BMPR1B: variants seen among roughly 807,000 people sequenced by gnomAD.
BMPR1B encodes bone morphogenetic protein receptor type 1B.
A neutral mutation model predicts 59.1 loss-of-function variants in BMPR1B; 12 were observed. The ratio of observed to expected loss-of-function variants is 0.20; its 90% CI spans 0.13 to 0.33. The LOEUF (loss-of-function observed/expected upper bound fraction) is 0.33, where lower values mean the gene tolerates loss of function less well. BMPR1B is among the 10% of genes least tolerant of loss of function. The pLI, the probability that BMPR1B is intolerant of heterozygous loss-of-function variation, is 1.00. For synonymous variants in BMPR1B, 237 were observed against 207.3 expected (o/e 1.14, Z -1.23); for missense variants, 550 against 610.9 (o/e 0.90, Z 1.05).
In BMPR1B at chr4:94,809,632, G is replaced by T. The variant is rs574090885; in HGVS notation, c.-183+51564G>T. Among the ~76,000 whole-genome samples, 4 of 152,038 alleles carry T rather than the reference G, an allele frequency of 2.6e-5. No individual in the cohort carries two copies. The East Asian group carries it at 7.7e-4, about 29-fold the overall frequency. The stretch of plus-strand genomic sequence containing the variant: ...ATTCACTTATCTCCCTCTTTCTTTT[G>T]TGTACATTGTACTGCTCCACCCCAC... On this transcript the variant is annotated intron_variant, in intron 1 of 12. Coordinates refer to ENST00000515059, the MANE Select transcript of BMPR1B (RefSeq NM_001203.3).
chr4:94,764,771 C>A (rs1210616665), intron 1 of BMPR1B, among the ~76,000 whole-genome samples: 1 of 152,108 alleles, frequency 6.6e-6, no homozygotes, highest in Non-Finnish European at 1.5e-5. Context: ...TATCTTCTAT[C>A]CATGTGCTTT....
chr4:95,064,020 C>G lies in BMPR1B; in HGVS notation c.-17-40388C>G, dbSNP rs181083727. On this transcript the variant is annotated intron_variant, in intron 3 of 12. Transcript: ENST00000515059. ...GGCAAGGATGTGGAGAAATGGGAAC[C>G]CTTAACCACTGTTAGTTGGAGTATA... Among the ~76,000 whole-genome samples the G allele has an allele frequency of 3.0e-3, 456 of 152,072 alleles. 5 individuals carry two copies. Among genetic ancestry groups the G allele is most frequent in the African/African-American group, 0.01 (434 of 41,486 alleles).
At chr4:94,987,523 G>A (rs1195028461) in intron 2 of BMPR1B, among the ~76,000 whole-genome samples, 5 of 152,050 alleles carry the variant, frequency 3.3e-5, no homozygotes, top group African/African-American at 9.6e-5. Context: ...CTCTCCCATT[G>A]AGACCATTGA....
At chr4:95,021,934 G>A (rs1433076400) in intron 3 of BMPR1B, among the ~76,000 whole-genome samples, 1 of 152,146 alleles carries the variant, frequency 6.6e-6, no homozygotes, top group African/African-American at 2.4e-5. Context: ...AGTGGGAAAG[G>A]TTTCTCTTAC....
chr4:94,839,234 C>A (rs1244207662), intron 1 of BMPR1B, among the ~76,000 whole-genome samples: 1 of 130,072 alleles, frequency 7.7e-6, no homozygotes, highest in Non-Finnish European at 1.7e-5. Flanking sequence ...AATGTATATT[C>A]TGTTGATTTG....
chr4:94,984,891 C>G (rs1408193344), intron 2 of BMPR1B, among the ~76,000 whole-genome samples: 1 of 152,142 alleles, frequency 6.6e-6, no homozygotes, highest in Non-Finnish European at 1.5e-5. Context: ...TTACAGCATC[C>G]AAAGTAGTTT....
chr4:95,068,433 A>G (rs565016855), intron 3 of BMPR1B, among the ~76,000 whole-genome samples: 3 of 152,254 alleles, frequency 2.0e-5, no homozygotes, highest in South Asian at 2.1e-4. Flanking sequence ...GGCTACAGCC[A>G]CCAGTTCCAT....
intron 2 of BMPR1B, among the ~76,000 whole-genome samples, chr4:94,989,848 T>C (rs1721631108): frequency 1.3e-5 from 2 of 152,200 alleles, no homozygotes; most frequent in African/African-American, 4.8e-5. Flanking sequence ...TCATGGGGTT[T>C]TCTGAAATTA....
chr4:94,760,314 T>C (rs1225431295), intron 1 of BMPR1B, among the ~76,000 whole-genome samples: 1 of 152,214 alleles, frequency 6.6e-6, no homozygotes, highest in East Asian at 1.9e-4. Flanking sequence ...CTTATGTATG[T>C]TTCTCTAAAT....
At chr4:95,027,881 A>G (rs1724534316) in intron 3 of BMPR1B, among the ~76,000 whole-genome samples, 1 of 152,162 alleles carries the variant, frequency 6.6e-6, no homozygotes, top group Non-Finnish European at 1.5e-5. Context: ...TGTGTCAGAG[A>G]TCACCTTGTA....
chr4:94,798,923 A>G (rs955364028), intron 1 of BMPR1B, among the ~76,000 whole-genome samples: 1 of 151,896 alleles, frequency 6.6e-6, no homozygotes, highest in African/African-American at 2.4e-5. Flanking sequence ...AGCAGCATCC[A>G]GAGAACAAAA....
intron 1 of BMPR1B, among the ~76,000 whole-genome samples, chr4:94,758,838 T>C (rs1258327164): frequency 1.3e-5 from 2 of 151,990 alleles, no homozygotes; most frequent in African/African-American, 2.4e-5. Flanking sequence ...TGTCTCCCTC[T>C]CCCCACCGCC....
At chr4:94,932,338 G>A (rs910123826) in intron 2 of BMPR1B, among the ~76,000 whole-genome samples, 5 of 152,150 alleles carry the variant, frequency 3.3e-5, no homozygotes, top group Admixed American at 1.3e-4. Flanking sequence ...ATCTGTAAGT[G>A]ATAGGCTGGA....
intron 2 of BMPR1B, among the ~76,000 whole-genome samples, chr4:94,954,149 C>T (rs1354273183): frequency 6.6e-6 from 1 of 152,062 alleles, no homozygotes; most frequent in East Asian, 1.9e-4. Context: ...GGTTAGAGAG[C>T]ATGTTGTCAG....
rs1017160507 is a variant in BMPR1B, at chr4:95,148,691, A to G, written c.1077-57A>G. On this transcript the variant is annotated intron_variant, in intron 10 of 12. Coordinates refer to ENST00000515059, the MANE Select transcript of BMPR1B (RefSeq NM_001203.3). ...AAGCCATTGTTTCAGAATCACCTTGATTCGTTTTTGTTGGTCCTCTTCAAT... is the reference window on the plus strand; with the variant it reads ...AAGCCATTGTTTCAGAATCACCTTGGTTCGTTTTTGTTGGTCCTCTTCAAT... The G allele has an allele frequency of 4.4e-5, 68 of 1,552,074 alleles. No homozygotes were observed. In the Middle Eastern group the frequency reaches 8.4e-4, roughly 19 times the overall value.
At chr4:94,879,773 A>G (rs1348232256) in intron 2 of BMPR1B, among the ~76,000 whole-genome samples, 1 of 152,158 alleles carries the variant, frequency 6.6e-6, no homozygotes, top group East Asian at 1.9e-4. Flanking sequence ...ATCTCATGAT[A>G]TATTTCTGTC....
At chr4:94,930,640 A>G (rs1008433431) in intron 2 of BMPR1B, among the ~76,000 whole-genome samples, 3 of 152,146 alleles carry the variant, frequency 2.0e-5, no homozygotes, top group African/African-American at 4.8e-5. Context: ...CCTACTTTCA[A>G]GGAACTCACT....
At chr4:95,023,047 CT>C (rs965988562) in intron 3 of BMPR1B, among the ~76,000 whole-genome samples, 1 of 151,896 alleles carries the variant, frequency 6.6e-6, no homozygotes, top group African/African-American at 2.4e-5. Flanking sequence ...TACAGTACAT[CT>C]TTTTTTTACA....
At chr4:95,114,911 A>G (rs1731904984) in intron 5 of BMPR1B, 89 bp downstream of exon 5, 18 of 1,303,538 alleles carry the variant, frequency 1.4e-5, no homozygotes, top group Non-Finnish European at 1.1e-6. Flanking sequence ...TTTCTTGGCC[A>G]GCCCATTTTT....
Sources: gnomAD v4.1 joint callset for allele counts (sites outside exome capture counted in the v4.1 genomes callset) on GRCh38, gnomAD v4.1.1 for gene constraint, MANE v1.5 for transcripts, NCBI Gene and HGNC (gene_info 2026-07-23, HGNC 2026-07-21) for gene names.